PCCA: variants seen among roughly 807,000 people sequenced by gnomAD.
PCCA encodes propionyl-CoA carboxylase alpha chain, mitochondrial.
In PCCA, 74 loss-of-function variants were observed where a neutral mutation model predicts 101.3. The ratio of observed to expected loss-of-function variants is 0.73; its 90% confidence interval spans 0.61 to 0.89. The LOEUF (loss-of-function observed/expected upper bound fraction) is 0.89, where lower values mean the gene tolerates loss of function less well. PCCA is among the 40% of genes least tolerant of loss of function. PCCA has a pLI of 0.00. For synonymous variants in PCCA, 294 were observed against 313.6 expected (o/e 0.94, Z 0.66); for missense variants, 891 against 907.0 (o/e 0.98, Z 0.23).
chr13:100,245,821 G>A (rs888463537), intron 8 of PCCA, among the ~76,000 whole-genome samples: 4 of 152,178 alleles, frequency 2.6e-5, no homozygotes, highest in Non-Finnish European at 5.9e-5. Context: ...CACTGTAACA[G>A]CTTTTGAAAT....
intron 4 of PCCA, among the ~76,000 whole-genome samples, chr13:100,124,815 A>G (rs896056280): frequency 4.6e-5 from 7 of 152,188 alleles, no homozygotes; most frequent in Non-Finnish European, 8.8e-5. Flanking sequence ...CTCTGTATAT[A>G]CATACACTTA....
At chr13:100,478,504 A>G (rs2083607685) in intron 21 of PCCA, among the ~76,000 whole-genome samples, 2 of 152,136 alleles carry the variant, frequency 1.3e-5, no homozygotes, top group South Asian at 4.1e-4. Flanking sequence ...GAGAGGTGGG[A>G]AGACCTGTGT....
chr13:100,495,967 TTCTCTC>T (rs58145817), intron 21 of PCCA, among the ~76,000 whole-genome samples: 3 of 150,504 alleles, frequency 2.0e-5, no homozygotes, highest in African/African-American at 7.3e-5. Context: ...ATTCCTCTCT[TTCTCTC>T]TCTCTCTCTC....
intron 8 of PCCA, among the ~76,000 whole-genome samples, chr13:100,244,411 A>G (rs1374240677): frequency 6.6e-6 from 1 of 152,078 alleles, no homozygotes; most frequent in East Asian, 1.9e-4. Context: ...TAATTTCACA[A>G]GTTCTTTTTC....
At chr13:100,500,129 C>T (rs553579369) in intron 21 of PCCA, among the ~76,000 whole-genome samples, 84 of 152,234 alleles carry the variant, frequency 5.5e-4, no homozygotes, top group African/African-American at 1.8e-3. Flanking sequence ...AGTCCATTTT[C>T]CCCTGAGACT....
intron 17 of PCCA, among the ~76,000 whole-genome samples, chr13:100,331,913 G>T (rs1595391064): frequency 1.4e-5 from 2 of 142,550 alleles, no homozygotes; most frequent in Non-Finnish European, 3.0e-5. Flanking sequence ...CCATAATATT[G>T]ATGAGAAAGG....
chr13:100,123,362 A>C (rs1351595260), intron 4 of PCCA, among the ~76,000 whole-genome samples: 1 of 152,110 alleles, frequency 6.6e-6, no homozygotes, highest in East Asian at 1.9e-4. Context: ...GCCCTGAATA[A>C]CTCTTTAGAA....
At chr13:100,463,795 C>T (rs1328522995) in intron 21 of PCCA, among the ~76,000 whole-genome samples, 2 of 152,234 alleles carry the variant, frequency 1.3e-5, no homozygotes, top group East Asian at 3.9e-4. Context: ...GGCTTGTCCT[C>T]TCTAATGGAG....
At chr13:100,258,425 A>G (rs2062224574) in intron 9 of PCCA, among the ~76,000 whole-genome samples, 1 of 152,262 alleles carries the variant, frequency 6.6e-6, no homozygotes, top group African/African-American at 2.4e-5. Context: ...AAAGAATGGT[A>G]TCATAAAGAA....
At chr13:100,248,605 A>C (rs1207023690) in intron 8 of PCCA, among the ~76,000 whole-genome samples, 1 of 151,986 alleles carries the variant, frequency 6.6e-6, no homozygotes, top group East Asian at 1.9e-4. Flanking sequence ...TTTTATTGAG[A>C]TGTCTCTTCA....
At chr13:100,128,834 G>A (rs2050215748) in intron 4 of PCCA, among the ~76,000 whole-genome samples, 1 of 152,204 alleles carries the variant, frequency 6.6e-6, no homozygotes, top group Middle Eastern at 3.4e-3. Flanking sequence ...TACTTCTGTG[G>A]CCCTCCTCTG....
rs201626055 is a variant in PCCA, at chr13:100,453,481, A to AAC, written c.1899+4177_1899+4178insCA. Among the ~76,000 whole-genome samples, 1,354 of 137,846 alleles carry AAC rather than the reference A, an allele frequency of 9.8e-3. 18 individuals are homozygous for AAC. The highest frequency in any genetic ancestry group is 0.038 in the African/African-American group (1,286 of 34,058). The allele number at this position is 137,846 out of a possible 152,430, so 90.4% of individuals were successfully genotyped here. A position where few individuals can be genotyped will look rare whatever the true frequency, so the allele number is the denominator to read the frequency against. On this transcript the variant is annotated intron_variant, in intron 21 of 23. Transcript: ENST00000376285. Reference sequence around the variant, plus strand: ...TGCAACCACTACACTCTAGTTTAAAAAAAAAAAAAGAAGAAGAAGAAACAA... The same window carrying AAC: ...TGCAACCACTACACTCTAGTTTAAAAACAAAAAAAAAGAAGAAGAAGAAACAA...
At chr13:100,166,757 T>C (rs1397227239) in intron 6 of PCCA, among the ~76,000 whole-genome samples, 1 of 152,212 alleles carries the variant, frequency 6.6e-6, no homozygotes, top group Non-Finnish European at 1.5e-5. Flanking sequence ...TGTGGGCATA[T>C]GCTTTCATTT....
chr13:100,473,941 G>A (rs1307599031), intron 21 of PCCA, among the ~76,000 whole-genome samples: 2 of 152,214 alleles, frequency 1.3e-5, no homozygotes, highest in African/African-American at 4.8e-5. Flanking sequence ...AAGGTTGTCT[G>A]TTCTGCTTAC....
At chr13:100,470,120 A>G (rs2082884034) in intron 21 of PCCA, among the ~76,000 whole-genome samples, 2 of 152,156 alleles carry the variant, frequency 1.3e-5, no homozygotes, top group African/African-American at 4.8e-5. Context: ...GCTACCAAAA[A>G]TAGAGTGGGC....
rs554655427 is a variant in PCCA at position 100,441,913 on chromosome 13, A to T, written c.1846-7339A>T. Among the ~76,000 whole-genome samples, 9 of 152,164 alleles carry T rather than the reference A, an allele frequency of 5.9e-5. No individual in the cohort carries two copies. In the South Asian group the frequency reaches 1.9e-3, roughly 32 times the overall value. ...AAAGTATATCTTACTGCTAGGGAAG[A>T]TTGAAATAAATTCCAGTTCTGAGTG... On this transcript the variant is annotated intron_variant, in intron 20 of 23. Transcript: ENST00000376285.
At chr13:100,499,673 G>A (rs1213243262) in intron 21 of PCCA, among the ~76,000 whole-genome samples, 1 of 152,236 alleles carries the variant, frequency 6.6e-6, no homozygotes, top group African/African-American at 2.4e-5. Context: ...CCGTACCTCT[G>A]TTGCAGAAGC....
intron 16 of PCCA, among the ~76,000 whole-genome samples, chr13:100,329,230 A>G (rs1273646637): frequency 6.6e-6 from 1 of 152,034 alleles, no homozygotes; most frequent in Non-Finnish European, 1.5e-5. Context: ...TTATATTTAG[A>G]GTATGGAAAT....
rs1311042852 is a variant in PCCA, at chr13:100,394,178, T to C, written c.1746+25604T>C. ...TCAGATGGATTTAATTAGTCCTTCG[T>C]AGAACTGGATGTCCGTTTGTTGCAA... is the stretch of plus-strand genomic sequence containing the variant. On this transcript the variant is annotated intron_variant, in intron 19 of 23. Transcript: ENST00000376285. The surrounding 1 kb of genome is among the most constrained non-coding windows in gnomAD (Gnocchi z 4.3). Among the ~76,000 whole-genome samples, 1 of 152,238 alleles carries C rather than the reference T, an allele frequency of 6.6e-6. No homozygotes were observed. Among genetic ancestry groups the C allele is most frequent in the African/African-American group, 2.4e-5 (1 of 41,470 alleles).
Sources: gnomAD v4.1 joint callset for allele counts (sites outside exome capture counted in the v4.1 genomes callset) on GRCh38, gnomAD v4.1.1 for gene constraint, Gnocchi (gnomAD v3.1) non-coding constraint, MANE v1.5 for transcripts, NCBI Gene and HGNC (gene_info 2026-07-23, HGNC 2026-07-21) for gene names.